LAMB4: variants seen among roughly 807,000 people sequenced by gnomAD.
LAMB4 encodes the protein laminin subunit beta 4, also known as laminin subunit beta-4.
A neutral mutation model predicts 199.2 loss-of-function variants in LAMB4; 196 were observed. The ratio of observed to expected loss-of-function variants is 0.98; its 90% CI spans 0.88 to 1.11. The LOEUF (loss-of-function observed/expected upper bound fraction) is 1.11, where lower values mean the gene tolerates loss of function less well. Among genes scored for constraint, LAMB4 ranks in the 50% least tolerant of loss-of-function variants. LAMB4 has a pLI of 0.00. For synonymous variants in LAMB4, 744 were observed against 770.6 expected (o/e 0.97, Z 0.57); for missense variants, 2,080 against 2,171.2 (o/e 0.96, Z 0.83).
At chr7:108,014,530 C>T in the LAMB4 span, among the ~76,000 whole-genome samples, 2 of 151,938 alleles carry the variant, frequency 1.3e-5, no homozygotes, top group South Asian at 2.1e-4. Context: ...ACATATTATT[C>T]ATCTCCCCAA....
intron 22 of LAMB4, 52 bp downstream of exon 22, chr7:108,063,709 A>T: frequency 6.9e-7 from 1 of 1,454,016 alleles, no homozygotes; most frequent in Non-Finnish European, 9.7e-7. Flanking sequence ...CAACACACTT[A>T]TGAGCTGTCA....
intron 11 of LAMB4, among the ~76,000 whole-genome samples, chr7:108,096,626 A>T (rs1401259184): frequency 2.0e-5 from 3 of 152,058 alleles, no homozygotes; most frequent in Non-Finnish European, 4.4e-5. Context: ...TGGTATGTAA[A>T]TTATATTCAA....
chr7:108,058,016 G>T, intron 23 of LAMB4, 88 bp from the exon 24 acceptor site: 1 of 870,630 alleles, frequency 1.1e-6, no homozygotes, highest in Non-Finnish European at 1.9e-6. Context: ...CCCCTCCAGT[G>T]AATTAGAACA....
intron 30 of LAMB4, among the ~76,000 whole-genome samples, chr7:108,034,678 C>G (rs1415830304): frequency 6.6e-6 from 1 of 152,136 alleles, no homozygotes; most frequent in Admixed American, 6.5e-5. Flanking sequence ...CCTGATGTCT[C>G]AAATGTAAGC....
intron 2 of LAMB4, among the ~76,000 whole-genome samples, chr7:108,118,695 T>G (rs536934364): frequency 6.6e-6 from 1 of 152,046 alleles, no homozygotes; most frequent in South Asian, 2.1e-4. Flanking sequence ...GAAACTCATA[T>G]AAAACATAGG....
At position 108,055,628 on chromosome 7, in the gene LAMB4, T is replaced by A. The variant is rs750655797; in HGVS notation, c.3755+4A>T. 6.2e-6 allele frequency: 10 copies of A among 1,608,950 alleles called. No homozygotes were observed. The Admixed American group carries it at 1.5e-4, about 24-fold the overall frequency. Reference sequence around the variant, plus strand: ...GCTGTCTGTTACTTGAGCATAAATCTTACCTAACAGAGTCATGATAATCCT... The same window carrying A: ...GCTGTCTGTTACTTGAGCATAAATCATACCTAACAGAGTCATGATAATCCT... On this transcript the variant is annotated splice_donor_region_variant and intron_variant, in intron 25 of 33. Transcript: ENST00000388781.
At chr7:108,082,375 G>A (rs891058863) in intron 14 of LAMB4, among the ~76,000 whole-genome samples, 15 of 150,078 alleles carry the variant, frequency 1.0e-4, no homozygotes, top group Admixed American at 1.3e-4. Flanking sequence ...TCAGAGAAGA[G>A]CCTGAATTAC....
the LAMB4 span, among the ~76,000 whole-genome samples, chr7:108,014,735 T>G: frequency 4.0e-5 from 6 of 148,838 alleles, no homozygotes; most frequent in Non-Finnish European, 7.4e-5. Flanking sequence ...TTTTTTTTTC[T>G]TTTTTGAGAC....
intron 28 of LAMB4, among the ~76,000 whole-genome samples, chr7:108,046,469 C>T (rs2035629202): frequency 6.6e-6 from 1 of 151,846 alleles, no homozygotes; most frequent in South Asian, 2.1e-4. Flanking sequence ...AAATTCAGCT[C>T]TTTAAAAGCT....
intron 11 of LAMB4, among the ~76,000 whole-genome samples, chr7:108,096,845 A>G (rs2150628155): frequency 6.7e-6 from 1 of 148,752 alleles, no homozygotes; most frequent in East Asian, 2.0e-4. Flanking sequence ...CTGAGGTGAG[A>G]AAATTGCTTG....
rs753984757 is a variant in LAMB4 at position 108,030,817 on chromosome 7, T to C, written c.4981A>G (p.Ser1661Gly). ...GTAGAACTAATGACCTTCTCAAGAC[T>C]CCCAGCCTGGTGTTGGGCAGATTCA... ...QAESAQHQAG[S>G]LEKEFVELKK... Residue 1661 changes from serine to glycine, a missense_variant, in exon 32 of 34, where the codon AGT (serine) becomes GGT (glycine). Physicochemically the swap from Ser to Gly is moderately conservative, Grantham distance 56. Transcript: ENST00000388781. The C allele has an allele frequency of 3.1e-6, 5 of 1,614,040 alleles. No homozygotes were observed. The South Asian group carries it at 5.5e-5, about 18-fold the overall frequency.
At chr7:108,082,736 T>C (rs1206139631) in intron 14 of LAMB4, among the ~76,000 whole-genome samples, 1 of 152,286 alleles carries the variant, frequency 6.6e-6, no homozygotes, top group East Asian at 1.9e-4. Flanking sequence ...AATAAAATCT[T>C]GTAAAATGAG....
At chr7:108,013,109 G>A in the LAMB4 span, among the ~76,000 whole-genome samples, 1 of 152,234 alleles carries the variant, frequency 6.6e-6, no homozygotes, top group South Asian at 2.1e-4. Context: ...CATTGTAGCT[G>A]TGTGAAGAGT....
At chr7:108,087,998 C>T (rs372769305) in intron 14 of LAMB4, among the ~76,000 whole-genome samples, 17 of 152,162 alleles carry the variant, frequency 1.1e-4, no homozygotes, top group Admixed American at 7.9e-4. Flanking sequence ...CATTCATTTA[C>T]GGCATGTGAC....
intron 22 of LAMB4, 72 bp from the exon 23 acceptor site, chr7:108,063,066 C>T (rs1306636416): frequency 1.1e-6 from 1 of 899,816 alleles, no homozygotes; most frequent in East Asian, 2.9e-5. Context: ...ATACAAACAG[C>T]GTTTTAGACC....
At chr7:108,120,651 T>C (rs1221026091) in intron 2 of LAMB4, among the ~76,000 whole-genome samples, 8 of 152,254 alleles carry the variant, frequency 5.3e-5, no homozygotes, top group Non-Finnish European at 1.2e-4. Context: ...GGAATTGGTA[T>C]CTAGGATAAA....
At chr7:108,096,116 C>T (rs1183256530) in intron 11 of LAMB4, among the ~76,000 whole-genome samples, 5 of 152,222 alleles carry the variant, frequency 3.3e-5, no homozygotes, top group Admixed American at 2.6e-4. Context: ...GAACGCTTTT[C>T]ATCCTACAAA....
intron 25 of LAMB4, among the ~76,000 whole-genome samples, chr7:108,054,328 C>T (rs2035914358): frequency 6.6e-6 from 1 of 152,196 alleles, no homozygotes; most frequent in South Asian, 2.1e-4. Flanking sequence ...CCTGTCACTG[C>T]ATTTATGATG....
At chr7:108,110,742 G>T (rs2038194061) in intron 4 of LAMB4, among the ~76,000 whole-genome samples, 1 of 152,120 alleles carries the variant, frequency 6.6e-6, no homozygotes, top group Non-Finnish European at 1.5e-5. Flanking sequence ...AGCAAAAATG[G>T]CACCATTCAT....
Sources: gnomAD v4.1 joint callset for allele counts (sites outside exome capture counted in the v4.1 genomes callset) on GRCh38, gnomAD v4.1.1 for gene constraint, MANE v1.5 for transcripts, NCBI Gene and HGNC (gene_info 2026-07-23, HGNC 2026-07-21) for gene names.